FAM81B: variants seen among roughly 807,000 people sequenced by gnomAD.
The protein encoded by FAM81B is family with sequence similarity 81 member B, also known as protein FAM81B.
FAM81B carries 60 observed loss-of-function variants against 58.7 expected under a neutral mutation model. The observed-to-expected ratio is 1.02, with a 90% CI of 0.83 to 1.27. The LOEUF is 1.27. Among genes scored for constraint, FAM81B ranks in the 50% most tolerant of loss-of-function variants. The pLI is 0.00. For synonymous variants in FAM81B, 189 were observed against 179.6 expected (o/e 1.05, Z -0.42); for missense variants, 491 against 522.0 (o/e 0.94, Z 0.58).
chr5:95,438,573 C>G (rs1745192622), intron 7 of FAM81B, among the ~76,000 whole-genome samples: 1 of 152,078 alleles, frequency 6.6e-6, no homozygotes, highest in African/African-American at 2.4e-5. Context: ...AAATCTGAAT[C>G]TGGACACTTT....
At chr5:95,443,392 T>C (rs1287987775) in intron 7 of FAM81B, among the ~76,000 whole-genome samples, 1 of 152,140 alleles carries the variant, frequency 6.6e-6, no homozygotes, top group African/African-American at 2.4e-5. Flanking sequence ...TAGTGAGGTC[T>C]CTAGCTATAA....
chr5:95,450,377 CT>C lies in FAM81B; in HGVS notation c.*97del. ...GTTACTATCTCTGGGATGTTTACTG[CT>C]TCTAATGTCTCCTTTTAAGGAGACG... On this transcript the variant is annotated 3_prime_UTR_variant, in exon 10 of 10. Coordinates refer to ENST00000283357, the MANE Select transcript of FAM81B (RefSeq NM_152548.3). The C allele has an allele frequency of 6.4e-7, 1 of 1,554,916 alleles. No homozygotes were observed. Among genetic ancestry groups the C allele is most frequent in the Non-Finnish European group, 8.6e-7 (1 of 1,156,930 alleles).
intron 5 of FAM81B, among the ~76,000 whole-genome samples, chr5:95,422,610 G>A (rs915530682): frequency 5.9e-5 from 9 of 152,086 alleles, no homozygotes; most frequent in Non-Finnish European, 1.3e-4. Context: ...AGCCTCCTGA[G>A]TGCCTGGGAT....
chr5:95,396,180 G>C lies in FAM81B; in HGVS notation c.293+5G>C. On this transcript the variant is annotated splice_donor_5th_base_variant and intron_variant, in intron 3 of 9. Coordinates refer to ENST00000283357, the MANE Select transcript of FAM81B (RefSeq NM_152548.3). ...TCTAGTTGAATATGTTGACAAGTAA[G>C]TGTGTAAATTACAACTAGTTTTAAC... is the stretch of plus-strand genomic sequence containing the variant. 6.3e-7 allele frequency: 1 copy of C among 1,591,576 alleles called. No homozygotes were observed. Among genetic ancestry groups the C allele is most frequent in the Non-Finnish European group, 8.5e-7 (1 of 1,170,890 alleles).
At chr5:95,419,462 T>G (rs532752201) in intron 4 of FAM81B, among the ~76,000 whole-genome samples, 1 of 152,202 alleles carries the variant, frequency 6.6e-6, no homozygotes, top group Admixed American at 6.5e-5. Context: ...TCACTCTACA[T>G]TGGAATTTAT....
chr5:95,409,130 GTTAAAA>G (rs528391760), intron 3 of FAM81B, among the ~76,000 whole-genome samples: 69 of 152,222 alleles, frequency 4.5e-4, no homozygotes, highest in African/African-American at 1.6e-3. Flanking sequence ...AAATTATATT[GTTAAAA>G]TTAACATTAT....
intron 1 of FAM81B, among the ~76,000 whole-genome samples, 177 bp from the exon 2 acceptor site, chr5:95,392,617 G>A (rs1270231625): frequency 1.3e-5 from 2 of 152,070 alleles, no homozygotes; most frequent in Non-Finnish European, 2.9e-5. Flanking sequence ...AGATGTTATG[G>A]GGGGATGGGG....
chr5:95,396,909 T>C (rs1377274364), intron 3 of FAM81B: 1 of 152,226 alleles, frequency 6.6e-6, no homozygotes, highest in East Asian at 1.9e-4. Context: ...GCTTTAGTTT[T>C]TTCATTTGAA....
intron 3 of FAM81B, among the ~76,000 whole-genome samples, chr5:95,402,171 AC>A: frequency 6.6e-6 from 1 of 152,244 alleles, no homozygotes; most frequent in South Asian, 2.1e-4. Context: ...CCTTAGGAAT[AC>A]CTAATGATTT....
At chr5:95,441,374 T>C (rs1451702266) in intron 7 of FAM81B, among the ~76,000 whole-genome samples, 1 of 151,846 alleles carries the variant, frequency 6.6e-6, no homozygotes, top group Non-Finnish European at 1.5e-5. Context: ...ATGGAGACCA[T>C]CCTGGCCAGC....
At chr5:95,399,518 G>T (rs543677549) in intron 3 of FAM81B, among the ~76,000 whole-genome samples, 73 of 150,776 alleles carry the variant, frequency 4.8e-4, no homozygotes, top group Non-Finnish European at 9.0e-4. Flanking sequence ...AGGCTCTGCT[G>T]AGAGTGGGCA....
intron 2 of FAM81B, among the ~76,000 whole-genome samples, chr5:95,394,649 G>A (rs1337224629): frequency 6.6e-6 from 1 of 152,132 alleles, no homozygotes; most frequent in Non-Finnish European, 1.5e-5. Context: ...GGGAAGACGT[G>A]GCTTAACAGC....
chr5:95,428,535 G>C, intron 5 of FAM81B, 68 bp from the exon 6 acceptor site: 1 of 1,571,612 alleles, frequency 6.4e-7, no homozygotes, highest in Non-Finnish European at 8.7e-7. Context: ...TGAATGTGCA[G>C]GTGTCTACTA....
chr5:95,428,439 G>C (rs546958042), intron 5 of FAM81B, among the ~76,000 whole-genome samples, 164 bp from the exon 6 acceptor site: 2 of 152,254 alleles, frequency 1.3e-5, no homozygotes, highest in Admixed American at 1.3e-4. Context: ...AGAAAGAGAA[G>C]GGAAAAATGA....
chr5:95,405,600 C>T (rs35631627), intron 3 of FAM81B, among the ~76,000 whole-genome samples: 40,179 of 151,954 alleles, frequency 0.26, 5,497 homozygotes, highest in Middle Eastern at 0.29. Context: ...CTGTAATCTA[C>T]TAGGTTGTTT....
At chr5:95,442,272 G>C (rs1346655273) in intron 7 of FAM81B, among the ~76,000 whole-genome samples, 1 of 152,120 alleles carries the variant, frequency 6.6e-6, no homozygotes, top group Non-Finnish European at 1.5e-5. Flanking sequence ...TAAGTGAAAA[G>C]CTAAACACAG....
intron 3 of FAM81B, among the ~76,000 whole-genome samples, chr5:95,399,033 A>G (rs545806499): frequency 6.6e-6 from 1 of 152,308 alleles, no homozygotes; most frequent in Admixed American, 6.5e-5. Context: ...AGGCCAAGGA[A>G]CTGAGGATTT....
intron 6 of FAM81B, among the ~76,000 whole-genome samples, chr5:95,429,304 C>G (rs1258788301): frequency 6.6e-6 from 1 of 152,178 alleles, no homozygotes; most frequent in African/African-American, 2.4e-5. Flanking sequence ...CTAGTTTGTG[C>G]TCTTTTCTGC....
chr5:95,413,726 C>A (rs1309322287), intron 3 of FAM81B, among the ~76,000 whole-genome samples: 5 of 152,146 alleles, frequency 3.3e-5, no homozygotes, highest in African/African-American at 1.2e-4. Flanking sequence ...ATGCCTCTAC[C>A]CACTCCTAAC....
Sources: gnomAD v4.1 joint callset for allele counts (sites outside exome capture counted in the v4.1 genomes callset) on GRCh38, gnomAD v4.1.1 for gene constraint, MANE v1.5 for transcripts, NCBI Gene and HGNC (gene_info 2026-07-23, HGNC 2026-07-21) for gene names.